The following AOPEP variants were observed in gnomAD, a reference collection of about 807,000 sequenced individuals.
AOPEP encodes the protein aminopeptidase O (putative).
A neutral mutation model predicts 98.1 loss-of-function variants in AOPEP; 77 were observed. That is an observed-to-expected ratio of 0.78 (90% CI 0.65 to 0.95). The LOEUF is 0.95. Ranked by LOEUF, AOPEP falls within the 40% of genes least tolerant of loss-of-function variation. The pLI, the probability that AOPEP is intolerant of heterozygous loss-of-function variation, is 0.00. For synonymous variants in AOPEP, 346 were observed against 365.3 expected (o/e 0.95, Z 0.60); for missense variants, 1,024 against 1,024.7 (o/e 1.00, Z 0.01).
intron 9 of AOPEP, among the ~76,000 whole-genome samples, chr9:94,958,652 C>T (rs1409754684): frequency 6.6e-6 from 1 of 152,130 alleles, no homozygotes; most frequent in African/African-American, 2.4e-5. Flanking sequence ...TGATTTTGAG[C>T]ACTTTTTATG....
chr9:94,958,978 A>G (rs183744028), intron 9 of AOPEP, among the ~76,000 whole-genome samples: 3 of 145,174 alleles, frequency 2.1e-5, no homozygotes, highest in East Asian at 2.0e-4. Context: ...ATTCACTCCT[A>G]TGTTTTTTTT....
chr9:94,793,228 G>A lies in AOPEP; in HGVS notation c.1118+310G>A, dbSNP rs557119973. On this transcript the variant is annotated intron_variant, in intron 4 of 16. Transcript: ENST00000375315. The stretch of plus-strand genomic sequence containing the variant: ...AAAAATACAAAAAAATTAGCCGGGC[G>A]TCCCAGCGACTCGGGAGGCTGAGGC... Among the ~76,000 whole-genome samples the A allele has an allele frequency of 1.4e-4, 22 of 151,980 alleles. 1 individual carries two copies. The South Asian group carries it at 3.5e-3, about 24-fold the overall frequency.
intron 5 of AOPEP, among the ~76,000 whole-genome samples, chr9:94,895,269 G>A (rs920178428): frequency 7.3e-5 from 11 of 150,774 alleles, no homozygotes; most frequent in Non-Finnish European, 1.3e-4. Flanking sequence ...GCATGGTGGT[G>A]TGCACCTGTA....
chr9:94,956,542 A>G (rs2058472860), intron 9 of AOPEP, among the ~76,000 whole-genome samples: 2 of 152,236 alleles, frequency 1.3e-5, no homozygotes, highest in Admixed American at 1.3e-4. Context: ...ACCAGTACTT[A>G]GCACATGATT....
the AOPEP span, among the ~76,000 whole-genome samples, chr9:95,134,145 C>T: frequency 3.3e-5 from 5 of 152,120 alleles, no homozygotes; most frequent in African/African-American, 1.2e-4. Context: ...CTATGCACAT[C>T]GCCCTGGGAG....
intron 5 of AOPEP, among the ~76,000 whole-genome samples, chr9:94,834,475 T>C (rs1007029740): frequency 6.6e-6 from 1 of 152,098 alleles, no homozygotes. Context: ...ACAAGAATGG[T>C]ATTGTGGTTT....
chr9:95,107,736 G>A, the AOPEP span, among the ~76,000 whole-genome samples: 5 of 152,006 alleles, frequency 3.3e-5, no homozygotes, highest in Non-Finnish European at 7.4e-5. Flanking sequence ...GGGGGTCGGG[G>A]GGAACACACA....
At chr9:94,921,652 T>C (rs1431670140) in intron 5 of AOPEP, among the ~76,000 whole-genome samples, 1 of 152,176 alleles carries the variant, frequency 6.6e-6, no homozygotes, top group Non-Finnish European at 1.5e-5. Flanking sequence ...CTCCATGTTT[T>C]TGGTTTAGTT....
intron 15 of AOPEP, 81 bp from the exon 16 acceptor site, chr9:95,082,494 A>G: frequency 1.4e-6 from 2 of 1,478,782 alleles, no homozygotes; most frequent in Non-Finnish European, 1.8e-6. Context: ...TGTGTGGAAC[A>G]AGCACAGACT....
chr9:94,733,014 C>T (rs141632258), intron 1 of AOPEP, among the ~76,000 whole-genome samples: 20 of 151,646 alleles, frequency 1.3e-4, no homozygotes, highest in Non-Finnish European at 7.4e-5. Context: ...TGTTTTGGAA[C>T]ATGGCATAAC....
chr9:95,126,641 CTAT>C, the AOPEP span: 2 of 1,553,018 alleles, frequency 1.3e-6, no homozygotes, highest in East Asian at 4.5e-5. Flanking sequence ...CAGAAACTTG[CTAT>C]TATCAGCCAA....
intron 6 of AOPEP, among the ~76,000 whole-genome samples, chr9:94,925,607 T>G (rs906946733): frequency 2.6e-5 from 4 of 152,212 alleles, no homozygotes; most frequent in African/African-American, 9.7e-5. Context: ...TTCCTTATCC[T>G]CACACCTGGA....
At chr9:94,937,174 C>T (rs1199711107) in intron 7 of AOPEP, among the ~76,000 whole-genome samples, 2 of 152,246 alleles carry the variant, frequency 1.3e-5, no homozygotes, top group East Asian at 3.9e-4. Flanking sequence ...CAGTGACCAG[C>T]TCCTCCTGAA....
In AOPEP at chr9:94,882,049, G is replaced by A. The variant is rs115938748; in HGVS notation, c.1365-41937G>A. 2.9e-3 allele frequency among the ~76,000 whole-genome samples: 442 copies of A among 152,244 alleles called. 1 individual carries two copies. The highest frequency in any genetic ancestry group is 0.01 in the Middle Eastern group (3 of 294). On this transcript the variant is annotated intron_variant, in intron 5 of 16. Transcript: ENST00000375315. ...TTTTGAGGACTTCCCCTTGGGCTAG[G>A]GAGTCCTTTACTATGGCTCTAAGCT...
chr9:94,781,704 G>A (rs533073146), intron 3 of AOPEP, among the ~76,000 whole-genome samples: 41 of 151,186 alleles, frequency 2.7e-4, no homozygotes, highest in African/African-American at 9.7e-4. Flanking sequence ...GGGACTACAG[G>A]CACCCGCCAC....
At chr9:94,773,653 A>G (rs1841388186) in intron 3 of AOPEP, among the ~76,000 whole-genome samples, 1 of 152,250 alleles carries the variant, frequency 6.6e-6, no homozygotes, top group African/African-American at 2.4e-5. Context: ...CCAAAGGTGT[A>G]TAAGAAAGAT....
intron 13 of AOPEP, among the ~76,000 whole-genome samples, chr9:95,030,567 C>T (rs530357364): frequency 2.6e-5 from 4 of 152,300 alleles, no homozygotes; most frequent in South Asian, 4.1e-4. Context: ...ATGAAGGGAT[C>T]GTGTCGGACT....
chr9:94,935,816 C>T (rs2056183524), intron 7 of AOPEP, among the ~76,000 whole-genome samples: 1 of 152,174 alleles, frequency 6.6e-6, no homozygotes, highest in Non-Finnish European at 1.5e-5. Flanking sequence ...CTTAACTCCC[C>T]GTTGACATCT....
intron 5 of AOPEP, among the ~76,000 whole-genome samples, chr9:94,853,986 G>A (rs947265392): frequency 9.2e-5 from 14 of 152,174 alleles, no homozygotes; most frequent in Admixed American, 2.6e-4. Context: ...ATGTGAAAGG[G>A]AATTGCCTGA....
Sources: allele counts gnomAD v4.1 joint callset (sites outside exome capture counted in the v4.1 genomes callset), GRCh38; gene constraint gnomAD v4.1.1; transcripts MANE v1.5; gene names NCBI Gene and HGNC (gene_info 2026-07-23, HGNC 2026-07-21).